Variants in STPG2 observed in about 807,000 individuals in gnomAD.
The protein encoded by STPG2 is sperm-tail PG-rich repeat-containing protein 2.
A neutral mutation model predicts 54.2 loss-of-function variants in STPG2; 56 were observed. The ratio of observed to expected loss-of-function variants is 1.03; its 90% CI spans 0.83 to 1.29. The LOEUF (loss-of-function observed/expected upper bound fraction) is 1.29. Ranked by LOEUF, STPG2 falls within the 50% of genes most tolerant of loss-of-function variation. The pLI is 0.00. For synonymous variants in STPG2, 200 were observed against 181.8 expected, an observed-to-expected ratio of 1.10 and a Z score of -0.81; for missense variants, 596 against 544.9, an observed-to-expected ratio of 1.09 and a Z score of -0.93.
chr4:98,125,617 C>T (rs1019567086), intron 3 of STPG2, among the ~76,000 whole-genome samples: 1 of 152,140 alleles, frequency 6.6e-6, no homozygotes, highest in Non-Finnish European at 1.5e-5. Flanking sequence ...CTGGCAACCC[C>T]TATTGGAAGG....
intron 9 of STPG2, among the ~76,000 whole-genome samples, chr4:97,738,674 T>C (rs955171166): frequency 6.6e-6 from 1 of 152,094 alleles, no homozygotes; most frequent in African/African-American, 2.4e-5. Context: ...ATCCTAAATA[T>C]ATATGCACCC....
intron 10 of STPG2, among the ~76,000 whole-genome samples, chr4:97,672,072 T>C (rs1722712592): frequency 1.3e-5 from 2 of 151,126 alleles, no homozygotes; most frequent in Admixed American, 6.6e-5. Context: ...ATTTTGATTG[T>C]CACAAAAAAA....
At chr4:97,477,712 A>T (rs1480155234) in intron 4 of STPG2, among the ~76,000 whole-genome samples, 1 of 151,036 alleles carries the variant, frequency 6.6e-6, no homozygotes, top group Admixed American at 6.6e-5. Flanking sequence ...CGATGGTCTC[A>T]ATCTCCTGAC....
intron 4 of STPG2, among the ~76,000 whole-genome samples, chr4:97,535,800 T>A (rs1339272925): frequency 6.6e-6 from 1 of 152,190 alleles, no homozygotes; most frequent in African/African-American, 2.4e-5. Flanking sequence ...ATTTTCAGTT[T>A]ATTTATTTTA....
intron 5 of STPG2, among the ~76,000 whole-genome samples, chr4:98,051,032 A>C (rs912174718): frequency 2.6e-4 from 39 of 151,882 alleles, no homozygotes; most frequent in Non-Finnish European, 3.2e-4. Flanking sequence ...AAAGGAAAAA[A>C]ATTGATGTCA....
chr4:97,941,913 G>A (rs1432803792), intron 8 of STPG2, among the ~76,000 whole-genome samples: 1 of 151,836 alleles, frequency 6.6e-6, no homozygotes, highest in Non-Finnish European at 1.5e-5. Flanking sequence ...GGTAACCAGA[G>A]TCCCACTGAA....
intron 9 of STPG2, among the ~76,000 whole-genome samples, chr4:97,761,308 A>C (rs1030673251): frequency 2.0e-5 from 3 of 152,166 alleles, no homozygotes; most frequent in African/African-American, 7.2e-5. Flanking sequence ...TGGTGTTCTT[A>C]CAATAAAAGA....
chr4:97,936,469 G>C (rs1043084578), intron 8 of STPG2, among the ~76,000 whole-genome samples: 2 of 152,158 alleles, frequency 1.3e-5, no homozygotes, highest in Non-Finnish European at 2.9e-5. Flanking sequence ...TTTCTTCATT[G>C]TTTCATTGGT....
rs149512791 is a variant in STPG2 at position 97,553,182 on chromosome 4, T to A, written c.462+159517A>T. Among the ~76,000 whole-genome samples the A allele has an allele frequency of 7.9e-4, 120 of 152,330 alleles. 1 individual carries two copies. Among genetic ancestry groups the A allele is most frequent in the African/African-American group, 2.8e-3 (115 of 41,586 alleles). ...ATGTTAATAGCAAGGATCTGGGAGA[T>A]AAGTGGCTAAACTGCAATGAGTGGT... On this transcript the variant is annotated intron_variant, in intron 4 of 4. Coordinates refer to the STPG2 transcript ENST00000522676.
chr4:97,714,785 CA>C (rs1240125910), intron 9 of STPG2, among the ~76,000 whole-genome samples: 2 of 151,830 alleles, frequency 1.3e-5, no homozygotes, highest in Non-Finnish European at 2.9e-5. Flanking sequence ...ATCATAATTC[CA>C]TAGTCAGTTA....
chr4:97,736,054 G>C (rs1279222898), intron 9 of STPG2, among the ~76,000 whole-genome samples: 1 of 152,138 alleles, frequency 6.6e-6, no homozygotes, highest in Non-Finnish European at 1.5e-5. Context: ...TGTTAGTGAG[G>C]GTGTGCAGAA....
At chr4:98,009,896 T>C (rs1401943997) in intron 5 of STPG2, among the ~76,000 whole-genome samples, 5 of 152,024 alleles carry the variant, frequency 3.3e-5, no homozygotes, top group African/African-American at 9.7e-5. Context: ...TGTTGGCATA[T>C]AGTTATTCAT....
chr4:97,514,238 T>C (rs966380), intron 4 of STPG2, among the ~76,000 whole-genome samples: 44,597 of 151,988 alleles, frequency 0.29, 7,643 homozygotes, highest in Non-Finnish European at 0.37. Context: ...GTCATGAATA[T>C]ATTGCATTAC....
At chr4:97,807,171 A>T (rs1239168099) in intron 9 of STPG2, among the ~76,000 whole-genome samples, 1 of 151,144 alleles carries the variant, frequency 6.6e-6, no homozygotes, top group African/African-American at 2.4e-5. Flanking sequence ...TAATTATATT[A>T]TATTAATAAT....
chr4:98,054,071 C>T (rs1420194255), intron 5 of STPG2, among the ~76,000 whole-genome samples: 1 of 152,010 alleles, frequency 6.6e-6, no homozygotes, highest in Admixed American at 6.6e-5. Flanking sequence ...CTTACAAATA[C>T]AACAAATTTT....
At chr4:97,991,657 T>G (rs1735021648) in intron 5 of STPG2, among the ~76,000 whole-genome samples, 1 of 152,144 alleles carries the variant, frequency 6.6e-6, no homozygotes, top group South Asian at 2.1e-4. Context: ...AGATCTACTT[T>G]TAGTTTTTTA....
At chr4:97,933,724 G>C (rs1385796579) in intron 8 of STPG2, among the ~76,000 whole-genome samples, 1 of 152,026 alleles carries the variant, frequency 6.6e-6, no homozygotes, top group African/African-American at 2.4e-5. Context: ...TGATCTATGT[G>C]TCTCCTTTAG....
chr4:98,080,843 ACTT>A (rs1031111324), intron 5 of STPG2, among the ~76,000 whole-genome samples: 3 of 152,150 alleles, frequency 2.0e-5, no homozygotes, highest in African/African-American at 4.8e-5. Flanking sequence ...TGCCTAAGCC[ACTT>A]CTTATTATGT....
intron 9 of STPG2, among the ~76,000 whole-genome samples, chr4:97,831,915 A>G (rs1278393607): frequency 3.3e-5 from 5 of 152,204 alleles, no homozygotes; most frequent in Admixed American, 6.5e-5. Context: ...GACCAGATGG[A>G]TTCACAGCCA....
Sources: allele counts gnomAD v4.1 joint callset (sites outside exome capture counted in the v4.1 genomes callset), GRCh38; gene constraint gnomAD v4.1.1; transcripts MANE v1.5; gene names NCBI Gene and HGNC (gene_info 2026-07-23, HGNC 2026-07-21).